Variants in HDAC4 observed in about 807,000 individuals in gnomAD.
HDAC4 encodes histone deacetylase 4, also known as histone deacetylase A.
In HDAC4, 16 loss-of-function variants were observed where a neutral mutation model predicts 135.1. The observed-to-expected ratio is 0.12, with a 90% CI of 0.08 to 0.18. HDAC4 has a LOEUF of 0.18. Among genes scored for constraint, HDAC4 ranks in the 10% least tolerant of loss-of-function variants. HDAC4 has a pLI of 1.00. For synonymous variants in HDAC4, 685 were observed against 653.4 expected (o/e 1.05, Z -0.74); for missense variants, 1,143 against 1,511.8 (o/e 0.76, Z 4.05).
intron 24 of HDAC4, among the ~76,000 whole-genome samples, chr2:239,060,922 C>A (rs547953329): frequency 6.6e-6 from 1 of 152,222 alleles, no homozygotes; most frequent in Non-Finnish European, 1.5e-5. Flanking sequence ...GGTAACAGGG[C>A]CCAGAGGGAC....
chr2:239,270,270 G>A (rs757321836), intron 2 of HDAC4, among the ~76,000 whole-genome samples: 77 of 152,200 alleles, frequency 5.1e-4, no homozygotes, highest in Non-Finnish European at 9.0e-4. Context: ...ACAGAAAAGC[G>A]CCGTTGGTGA....
At chr2:239,070,402 C>A (rs1378269350) in intron 22 of HDAC4, among the ~76,000 whole-genome samples, 2 of 152,206 alleles carry the variant, frequency 1.3e-5, no homozygotes, top group East Asian at 1.9e-4. Context: ...AAAAAGCACT[C>A]CTTAACACAA....
At chr2:239,201,233 C>T (rs1385562082) in intron 3 of HDAC4, among the ~76,000 whole-genome samples, 1 of 152,152 alleles carries the variant, frequency 6.6e-6, no homozygotes, top group African/African-American at 2.4e-5. Flanking sequence ...CTGGAAACAT[C>T]AGGGGCTGAA....
intron 2 of HDAC4, among the ~76,000 whole-genome samples, chr2:239,311,553 G>A (rs2052879475): frequency 6.6e-6 from 1 of 152,152 alleles, no homozygotes; most frequent in Admixed American, 6.5e-5. Flanking sequence ...CGCGACTGAG[G>A]ACTTTGTAGG....
At chr2:239,165,631 T>C (rs936300268) in intron 5 of HDAC4, among the ~76,000 whole-genome samples, 1 of 152,326 alleles carries the variant, frequency 6.6e-6, no homozygotes, top group Non-Finnish European at 1.5e-5. Flanking sequence ...ATCCCCCGAC[T>C]GTGGATGGAG....
At chr2:239,228,461 C>T (rs541847900) in intron 3 of HDAC4, among the ~76,000 whole-genome samples, 9 of 152,218 alleles carry the variant, frequency 5.9e-5, no homozygotes, top group East Asian at 3.9e-4. Context: ...GTGTACGCCA[C>T]GTGAAAGGTG....
chr2:239,196,156 G>A (rs1381406373), intron 3 of HDAC4, among the ~76,000 whole-genome samples: 1 of 151,584 alleles, frequency 6.6e-6, no homozygotes, highest in Non-Finnish European at 1.5e-5. Context: ...ATGTGGGGGT[G>A]GGGGGAAGAG....
At chr2:239,172,951 A>G (rs1456658262) in intron 5 of HDAC4, among the ~76,000 whole-genome samples, 1 of 152,220 alleles carries the variant, frequency 6.6e-6, no homozygotes, top group Non-Finnish European at 1.5e-5. Flanking sequence ...CAACTTAGCT[A>G]AAGTGAGCCG....
At chr2:239,386,447 A>T (rs758884335) in intron 1 of HDAC4, among the ~76,000 whole-genome samples, 7 of 152,062 alleles carry the variant, frequency 4.6e-5, no homozygotes, top group Non-Finnish European at 1.0e-4. Flanking sequence ...TCCCAAGAGG[A>T]GCGTCAGCTG....
At chr2:239,356,972 G>A (rs1693528311) in intron 1 of HDAC4, among the ~76,000 whole-genome samples, 1 of 152,196 alleles carries the variant, frequency 6.6e-6, no homozygotes, top group South Asian at 2.1e-4. Flanking sequence ...GTTAGAACAA[G>A]TAGACAGAAA....
chr2:239,175,494 C>T (rs958531527), intron 5 of HDAC4, among the ~76,000 whole-genome samples: 1 of 152,218 alleles, frequency 6.6e-6, no homozygotes, highest in Non-Finnish European at 1.5e-5. Flanking sequence ...AAGTGGGAAA[C>T]AGCAAATACA....
At chr2:239,148,727 C>T (rs369878520) in intron 7 of HDAC4, among the ~76,000 whole-genome samples, 79 of 152,294 alleles carry the variant, frequency 5.2e-4, no homozygotes, top group African/African-American at 1.9e-3. Flanking sequence ...ACCAAGATGG[C>T]GAGGCCGCAG....
chr2:239,150,260 TACAC>T (rs1297553660), intron 7 of HDAC4, among the ~76,000 whole-genome samples: 1 of 149,826 alleles, frequency 6.7e-6, no homozygotes, highest in Admixed American at 6.6e-5. Flanking sequence ...GACATACAGA[TACAC>T]ACACAGAAAC....
intron 2 of HDAC4, among the ~76,000 whole-genome samples, chr2:239,241,005 C>A (rs755684802): frequency 1.3e-5 from 2 of 152,210 alleles, no homozygotes; most frequent in African/African-American, 2.4e-5. Context: ...CCAGGCCCCC[C>A]ACTTCACACT....
chr2:239,287,391 G>A (rs555236092), intron 2 of HDAC4, among the ~76,000 whole-genome samples: 1 of 152,306 alleles, frequency 6.6e-6, no homozygotes, highest in South Asian at 2.1e-4. Flanking sequence ...ACCAGATGGG[G>A]TTGTATGTTT....
chr2:239,281,070 TAC>T lies in HDAC4; in HGVS notation c.23-44408_23-44407del, dbSNP rs1484307393. ...TACAATGTACACACCACTCTTAATG[TAC>T]ACACGACTCTCAATGTACACACCAC... On this transcript the variant is annotated intron_variant, in intron 2 of 26. Transcript: ENST00000543185. Among the ~76,000 whole-genome samples the T allele has an allele frequency of 4.2e-5, 5 of 117,890 alleles. 1 individual carries two copies. The highest frequency in any genetic ancestry group is 8.7e-5 in the Non-Finnish European group (5 of 57,750). The allele number at this position is 117,890 out of a possible 152,430, so 77.3% of individuals were successfully genotyped here.
Position 239,313,949 on chromosome 2 carries a change from T to C in HDAC4, c.22+38729A>G, listed in dbSNP as rs898985851. Among the ~76,000 whole-genome samples the C allele has an allele frequency of 6.6e-6, 1 of 152,076 alleles. No homozygotes were observed. Among genetic ancestry groups the C allele is most frequent in the Non-Finnish European group, 1.5e-5 (1 of 68,008 alleles). ...GCGTGGGGAGGGGCTGTAGTTCCCT[T>C]GGCAGGGGAAGCCAGAAGACAGGCC... On this transcript the variant is annotated intron_variant, in intron 2 of 26. Transcript: ENST00000543185. The surrounding 1 kb of genome is among the most constrained non-coding windows in gnomAD (Gnocchi z 5.1).
chr2:239,367,534 A>C (rs1694301822), intron 1 of HDAC4, among the ~76,000 whole-genome samples: 1 of 152,174 alleles, frequency 6.6e-6, no homozygotes, highest in Non-Finnish European at 1.5e-5. Context: ...AATGCTCCAA[A>C]ATCTGAAATT....
At chr2:239,275,711 T>C (rs1054320600) in intron 2 of HDAC4, among the ~76,000 whole-genome samples, 2 of 152,018 alleles carry the variant, frequency 1.3e-5, no homozygotes, top group Admixed American at 1.3e-4. Flanking sequence ...GCCTCTGCAG[T>C]GCCTGGTCCC....
Sources: allele counts gnomAD v4.1 joint callset (sites outside exome capture counted in the v4.1 genomes callset), GRCh38; gene constraint gnomAD v4.1.1; non-coding constraint Gnocchi (gnomAD v3.1); transcripts MANE v1.5; gene names NCBI Gene and HGNC (gene_info 2026-07-23, HGNC 2026-07-21).